The following A2ML1 variants were observed in gnomAD, a reference collection of about 807,000 sequenced individuals.
The protein encoded by A2ML1 is alpha-2-macroglobulin-like protein 1.
A2ML1 carries 161 observed loss-of-function variants against 181.9 expected under a neutral mutation model. The ratio of observed to expected loss-of-function variants is 0.89; its 90% CI spans 0.78 to 1.01. A2ML1 has a LOEUF of 1.01. A2ML1 is among the 50% of genes least tolerant of loss of function. A2ML1 has a pLI of 0.00. For synonymous variants in A2ML1, 663 were observed against 666.8 expected, an observed-to-expected ratio of 0.99 and a Z score of 0.09; for missense variants, 1,670 against 1,768.1, an observed-to-expected ratio of 0.94 and a Z score of 1.00.
chr12:8,823,949 G>A lies in A2ML1; in HGVS notation c.409+67G>A, dbSNP rs370462246. 3.4e-5 allele frequency: 51 copies of A among 1,511,402 alleles called. 1 individual carries two copies. The African/African-American group carries it at 4.4e-4, about 13-fold the overall frequency. The allele number at this position is 1,511,402 out of a possible 1,614,324, so 93.6% of individuals were successfully genotyped here. A position where few individuals can be genotyped will look rare whatever the true frequency, so the allele number is the denominator to read the frequency against. ...ACCGCTGTGCACAGGGGTAAAGAGG[G>A]GATTTGTGGTTTGACAGTAGGCTTT... On this transcript the variant is annotated intron_variant, in intron 3 of 35. Transcript: ENST00000299698.
At chr12:8,874,362 C>T in intron 33 of A2ML1, 63 bp from the exon 34 acceptor site, 1 of 1,303,734 alleles carries the variant, frequency 7.7e-7, no homozygotes, top group East Asian at 2.3e-5. Flanking sequence ...TTTTATTCCA[C>T]ATTGCATACA....
At position 8,861,353 on chromosome 12, in the gene A2ML1, C is replaced by G. The variant is rs1944257807; in HGVS notation, c.3502+56C>G. 3 of 1,578,654 alleles carry G rather than the reference C, an allele frequency of 1.9e-6. No individual in the cohort carries two copies. In the African/African-American group the frequency reaches 4.0e-5, roughly 21 times the overall value. ...ATTGTGAACATAAGCTGTGAGTTAT[C>G]TATAATCTCCCTAGTAACCTCTGTC... On this transcript the variant is annotated intron_variant, in intron 28 of 35. Transcript: ENST00000299698.
chr12:8,836,132 A>T, intron 6 of A2ML1, 123 bp from the exon 7 acceptor site: 1 of 735,076 alleles, frequency 1.4e-6, no homozygotes. Context: ...CATGCTACCT[A>T]AATAATGCCT....
intron 14 of A2ML1, 134 bp from the exon 15 acceptor site, chr12:8,847,413 AAG>A (rs1943729518): frequency 8.9e-7 from 1 of 1,118,254 alleles, no homozygotes; most frequent in Non-Finnish European, 1.3e-6. Context: ...AGACTTTACA[AAG>A]AAAGATAAGT....
At chr12:8,832,240 A>G (rs1448355172) in intron 4 of A2ML1, among the ~76,000 whole-genome samples, 2 of 152,046 alleles carry the variant, frequency 1.3e-5, no homozygotes, top group African/African-American at 4.8e-5. Flanking sequence ...TGATCCACTG[A>G]ATGCAGGGTC....
chr12:8,839,197 A>G lies in A2ML1; in HGVS notation c.1055A>G (p.His352Arg), dbSNP rs1172013361. Residue 352 changes from histidine to arginine, a missense_variant, in exon 10 of 36, where the codon CAT becomes CGT. Transcript: ENST00000299698. Reference sequence around the variant, plus strand: ...TTTGAAGACACCAGCAATTTTTACCATCCAAATTTCCCCTTCAGTGGGAAG... The same window carrying G: ...TTTGAAGACACCAGCAATTTTTACCGTCCAAATTTCCCCTTCAGTGGGAAG... The part of the protein sequence containing the change: ...MTFEDTSNFY[H>R]PNFPFSGKIR... 6.2e-7 allele frequency: 1 copy of G among 1,613,476 alleles called. No individual in the cohort carries two copies. Among genetic ancestry groups the G allele is most frequent in the Non-Finnish European group, 8.5e-7 (1 of 1,179,592 alleles).
At chr12:8,842,934 A>T (rs1943539785) in intron 11 of A2ML1, among the ~76,000 whole-genome samples, 200 bp from the exon 12 acceptor site, 2 of 152,180 alleles carry the variant, frequency 1.3e-5, no homozygotes, top group East Asian at 3.8e-4. Flanking sequence ...GCTCTCCTAC[A>T]TACCAAAATA....
At position 8,867,261 on chromosome 12, in the gene A2ML1, C is replaced by T. The variant is rs187420761; in HGVS notation, c.3718-581C>T. Among the ~76,000 whole-genome samples the T allele has an allele frequency of 2.0e-5, 3 of 152,346 alleles. No individual in the cohort carries two copies. In the East Asian group the frequency reaches 5.8e-4, roughly 29 times the overall value. On this transcript the variant is annotated intron_variant, in intron 29 of 35. Coordinates refer to ENST00000299698, the MANE Select transcript of A2ML1 (RefSeq NM_144670.6). ...CACTTGCTTCTAGCAATAACTCATT[C>T]TGAAACTGTTGGTTTCTGAACATGA...
intron 7 of A2ML1, among the ~76,000 whole-genome samples, chr12:8,883,978 G>T (rs1406397259): frequency 6.6e-6 from 1 of 151,964 alleles, no homozygotes; most frequent in African/African-American, 2.4e-5. Context: ...TAGAGGCAGG[G>T]TTTCGCCATG....
intron 4 of A2ML1, among the ~76,000 whole-genome samples, chr12:8,832,124 A>C (rs1333293203): frequency 6.6e-6 from 1 of 152,064 alleles, no homozygotes; most frequent in Non-Finnish European, 1.5e-5. Context: ...GTCAGGTTGG[A>C]GATGGAGTCA....
At chr12:8,837,726 A>C (rs1393728313) in intron 8 of A2ML1, among the ~76,000 whole-genome samples, 160 bp downstream of exon 8, 1 of 152,006 alleles carries the variant, frequency 6.6e-6, no homozygotes, top group Admixed American at 6.6e-5. Context: ...TTAAAAATTC[A>C]AAAAATTGGC....
intron 32 of A2ML1, among the ~76,000 whole-genome samples, chr12:8,868,876 A>G (rs970902808): frequency 1.3e-5 from 2 of 152,094 alleles, no homozygotes; most frequent in African/African-American, 4.8e-5. Flanking sequence ...AGGTATATAT[A>G]CATGTATATA....
intron 33 of A2ML1, among the ~76,000 whole-genome samples, chr12:8,871,439 T>C (rs1944618328): frequency 1.3e-5 from 2 of 152,250 alleles, no homozygotes; most frequent in Admixed American, 6.5e-5. Flanking sequence ...CTGAAAAGCA[T>C]GTGTTAAAAT....
intron 5 of A2ML1, 133 bp downstream of exon 5, chr12:8,834,815 G>A (rs916979409): frequency 4.1e-5 from 43 of 1,061,480 alleles, no homozygotes; most frequent in African/African-American, 1.9e-4. Context: ...AGCACCGAGC[G>A]CCCACATCCA....
chr12:8,844,970 A>T, intron 12 of A2ML1: 1 of 1,342,236 alleles, frequency 7.5e-7, no homozygotes, highest in African/African-American at 1.5e-5. Flanking sequence ...GGGAAGGGGG[A>T]GTTAGAAGAG....
chr12:8,873,144 G>C (rs1401503355), intron 33 of A2ML1, among the ~76,000 whole-genome samples: 1 of 151,974 alleles, frequency 6.6e-6, no homozygotes, highest in Non-Finnish European at 1.5e-5. Flanking sequence ...GAGTAGGGGA[G>C]GTCCCTCGAC....
intron 7 of A2ML1, among the ~76,000 whole-genome samples, chr12:8,882,264 A>C (rs1944878927): frequency 2.0e-5 from 3 of 152,196 alleles, no homozygotes; most frequent in Admixed American, 1.3e-4. Context: ...TTCAGAACCC[A>C]GGATCTCACC....
chr12:8,846,032 G>A, intron 13 of A2ML1, 45 bp from the exon 14 acceptor site: 2 of 1,610,004 alleles, frequency 1.2e-6, no homozygotes, highest in Non-Finnish European at 1.7e-6. Flanking sequence ...GTTGGCAGGT[G>A]AATGTGCATT....
At chr12:8,825,634 T>C (rs1218876153) in intron 3 of A2ML1, among the ~76,000 whole-genome samples, 2 of 152,238 alleles carry the variant, frequency 1.3e-5, no homozygotes, top group Non-Finnish European at 2.9e-5. Context: ...TGGTTTCTTG[T>C]GCTCCTTGGG....
Sources: gnomAD v4.1 joint callset for allele counts (sites outside exome capture counted in the v4.1 genomes callset) on GRCh38, gnomAD v4.1.1 for gene constraint, MANE v1.5 for transcripts, NCBI Gene and HGNC (gene_info 2026-07-23, HGNC 2026-07-21) for gene names.